Variants in RNF130 observed in about 807,000 individuals in gnomAD.
The protein encoded by RNF130 is ring finger protein 130.
RNF130 carries 21 observed loss-of-function variants against 44.6 expected under a neutral mutation model. The ratio of observed to expected loss-of-function variants is 0.47; its 90% CI spans 0.33 to 0.68. RNF130 has a LOEUF of 0.68. RNF130 is among the 30% of genes least tolerant of loss of function. RNF130 has a pLI of 0.02. For synonymous variants in RNF130, 214 were observed against 210.4 expected (o/e 1.02, Z -0.15); for missense variants, 479 against 560.6 (o/e 0.85, Z 1.47).
chr5:179,998,971 A>G (rs2113053042), intron 3 of RNF130, among the ~76,000 whole-genome samples: 1 of 148,708 alleles, frequency 6.7e-6, no homozygotes, highest in East Asian at 2.0e-4. Flanking sequence ...CTTTATCATT[A>G]TATTATGATC....
chr5:180,019,292 G>A (rs1016065798), intron 2 of RNF130, among the ~76,000 whole-genome samples: 1 of 151,670 alleles, frequency 6.6e-6, no homozygotes, highest in Non-Finnish European at 1.5e-5. Flanking sequence ...GCTGAGGCAG[G>A]AGAATGGCAT....
intron 1 of RNF130, among the ~76,000 whole-genome samples, chr5:180,062,365 A>T (rs1253591619): frequency 6.6e-6 from 1 of 151,936 alleles, no homozygotes; most frequent in Non-Finnish European, 1.5e-5. Context: ...CGGTCCCCCC[A>T]GCCTCTTTTA....
intron 1 of RNF130, among the ~76,000 whole-genome samples, chr5:180,068,704 C>T (rs1409017295): frequency 6.6e-6 from 1 of 152,228 alleles, no homozygotes; most frequent in African/African-American, 2.4e-5. Flanking sequence ...AATCAATCCA[C>T]AGCTTCAAAA....
At chr5:180,026,371 G>A (rs926128696) in intron 2 of RNF130, among the ~76,000 whole-genome samples, 13 of 152,032 alleles carry the variant, frequency 8.6e-5, no homozygotes, top group Non-Finnish European at 5.9e-5. Context: ...TTAAAAACCA[G>A]GAAAATAAAT....
intron 8 of RNF130, among the ~76,000 whole-genome samples, chr5:179,961,521 T>G (rs1363956363): frequency 6.6e-6 from 1 of 152,218 alleles, no homozygotes; most frequent in African/African-American, 2.4e-5. Context: ...CACTCTCATT[T>G]TAATCTGATG....
intron 4 of RNF130, among the ~76,000 whole-genome samples, chr5:179,979,693 G>A (rs1762789752): frequency 6.6e-6 from 1 of 152,154 alleles, no homozygotes; most frequent in Non-Finnish European, 1.5e-5. Flanking sequence ...CAAGCCACCA[G>A]GGATGACCCT....
chr5:180,016,209 T>C (rs923233508), intron 2 of RNF130, among the ~76,000 whole-genome samples: 4 of 152,074 alleles, frequency 2.6e-5, no homozygotes, highest in African/African-American at 7.2e-5. Context: ...GAAAGTTATA[T>C]AGGAGTCCCC....
At chr5:180,032,559 A>G (rs1264472595) in intron 2 of RNF130, among the ~76,000 whole-genome samples, 1 of 152,154 alleles carries the variant, frequency 6.6e-6, no homozygotes, top group Non-Finnish European at 1.5e-5. Context: ...TTGCATGTGG[A>G]TAACAATTGT....
At chr5:180,064,063 G>A (rs1765043845) in intron 1 of RNF130, among the ~76,000 whole-genome samples, 1 of 152,152 alleles carries the variant, frequency 6.6e-6, no homozygotes, top group Non-Finnish European at 1.5e-5. Context: ...AGAGAAAATG[G>A]AAACACTATG....
intron 5 of RNF130, 32 bp downstream of exon 5, chr5:179,978,171 C>T: frequency 6.4e-7 from 1 of 1,553,922 alleles, no homozygotes; most frequent in South Asian, 1.1e-5. Context: ...ACATTAATAT[C>T]ATTCTTTCTC....
At chr5:180,000,368 C>T (rs892544612) in intron 3 of RNF130, among the ~76,000 whole-genome samples, 2 of 152,238 alleles carry the variant, frequency 1.3e-5, no homozygotes, top group East Asian at 1.9e-4. Flanking sequence ...TAATGTGACA[C>T]GGGGAGGATG....
At chr5:180,003,136 G>A (rs1469793904) in intron 3 of RNF130, among the ~76,000 whole-genome samples, 1 of 152,156 alleles carries the variant, frequency 6.6e-6, no homozygotes, top group South Asian at 2.1e-4. Context: ...GCAAGCAGCA[G>A]TAGGTAAAGA....
chr5:179,964,431 A>C (rs1762400330), intron 7 of RNF130: 1 of 152,242 alleles, frequency 6.6e-6, no homozygotes, highest in Admixed American at 6.5e-5. Context: ...TGACTTGCTA[A>C]AAAGTCTTAA....
At chr5:179,982,954 T>C (rs1008097965) in intron 3 of RNF130, among the ~76,000 whole-genome samples, 3 of 152,226 alleles carry the variant, frequency 2.0e-5, no homozygotes, top group African/African-American at 7.2e-5. Flanking sequence ...TTATTGGCCA[T>C]GTGTACATTG....
intron 1 of RNF130, 147 bp from the exon 2 acceptor site, chr5:180,040,794 A>G: frequency 1.5e-6 from 1 of 659,012 alleles, no homozygotes; most frequent in Non-Finnish European, 2.6e-6. Flanking sequence ...ATCCACAAAC[A>G]ATACAATGAA....
intron 3 of RNF130, among the ~76,000 whole-genome samples, chr5:179,981,955 G>A (rs1002358224): frequency 1.3e-5 from 2 of 152,168 alleles, no homozygotes; most frequent in African/African-American, 4.8e-5. Context: ...GTTTGAAGTT[G>A]CATATGAAAT....
chr5:179,985,436 C>A (rs1762931873), intron 3 of RNF130, among the ~76,000 whole-genome samples: 1 of 151,926 alleles, frequency 6.6e-6, no homozygotes. Context: ...TCCTTAGGAC[C>A]CCCTGCTCTA....
chr5:180,066,134 T>C (rs1023624546), intron 1 of RNF130, among the ~76,000 whole-genome samples: 1 of 152,220 alleles, frequency 6.6e-6, no homozygotes, highest in Non-Finnish European at 1.5e-5. Flanking sequence ...TCATTTTGAA[T>C]TGTACTCCCA....
At chr5:179,946,703 G>A (rs867034850) in intron 7 of RNF130, among the ~76,000 whole-genome samples, 19 of 151,964 alleles carry the variant, frequency 1.3e-4, no homozygotes, top group African/African-American at 1.9e-4. Flanking sequence ...ACAGGCGCCC[G>A]CCACCACGCC....
Sources: allele counts gnomAD v4.1 joint callset (sites outside exome capture counted in the v4.1 genomes callset), GRCh38; gene constraint gnomAD v4.1.1; transcripts MANE v1.5; gene names NCBI Gene and HGNC (gene_info 2026-07-23, HGNC 2026-07-21).